DIS3L: variants seen among roughly 807,000 people sequenced by gnomAD.
DIS3L encodes the protein DIS3-like exonuclease 1.
DIS3L carries 100 observed loss-of-function variants against 120.3 expected under a neutral mutation model. The observed-to-expected ratio is 0.83, with a 90% CI of 0.71 to 0.98. The LOEUF (loss-of-function observed/expected upper bound fraction) is 0.98. Among genes scored for constraint, DIS3L ranks in the 50% least tolerant of loss-of-function variants. The pLI, the probability that DIS3L is intolerant of heterozygous loss-of-function variation, is 0.00. For synonymous variants in DIS3L, 426 were observed against 470.6 expected, an observed-to-expected ratio of 0.91 and a Z score of 1.23; for missense variants, 1,196 against 1,314.2, an observed-to-expected ratio of 0.91 and a Z score of 1.39.
At chr15:66,293,996 A>C in intron 1 of DIS3L, 2 of 990,066 alleles carry the variant, frequency 2.0e-6, no homozygotes, top group Non-Finnish European at 2.4e-6. Flanking sequence ...CCCGCACCCC[A>C]TGCCGGAGGC....
rs1264635198 is a variant in DIS3L at position 66,329,042 on chromosome 15, G to A, written c.2274G>A (p.Leu758=). ...ACGATCCCATTGTGAACAGGCTACT[G>A]CGCTCCATGGCCACGCAGGCCATGT... The part of the protein sequence containing the change: ...DPHDPIVNRL[L]RSMATQAMSN... Residue 758 remains leucine, a synonymous_variant, in exon 13 of 17, where the codon CTG becomes CTA. Coordinates refer to ENST00000319212, the MANE Select transcript of DIS3L (RefSeq NM_001143688.3). 71 of 1,614,098 alleles carry A rather than the reference G, an allele frequency of 4.4e-5. No homozygotes were observed. The highest frequency in any genetic ancestry group is 5.6e-5 in the Non-Finnish European group (66 of 1,180,048).
At chr15:66,331,021 G>A (rs1166776621) in intron 14 of DIS3L, among the ~76,000 whole-genome samples, 1 of 152,118 alleles carries the variant, frequency 6.6e-6, no homozygotes, top group Non-Finnish European at 1.5e-5. Context: ...CAGGCATGGT[G>A]GTGCATGCCT....
At position 66,309,094 on chromosome 15, in the gene DIS3L, A is replaced by AAAAAAAAAAAATATATATATATATAT; in HGVS notation, c.558+251_558+252insAAAAAAAAAATATATATATATATATA. Among the ~76,000 whole-genome samples, 5 of 15,312 alleles carry AAAAAAAAAAAATATATATATATATAT rather than the reference A, an allele frequency of 3.3e-4. 2 individuals are homozygous for AAAAAAAAAAAATATATATATATATAT. The highest frequency in any genetic ancestry group is 0.01 in the East Asian group (2 of 196). The allele number at this position is 15,312 out of a possible 152,430, so 10.0% of individuals were successfully genotyped here. A position where few individuals can be genotyped will look rare whatever the true frequency, so the allele number is the denominator to read the frequency against. On this transcript the variant is annotated intron_variant, in intron 4 of 16. Coordinates refer to ENST00000319212, the MANE Select transcript of DIS3L (RefSeq NM_001143688.3). Reference sequence around the variant, plus strand: ...CTTGTCTCTACAGAAAAAAAAAAAAAATATATATATCTCCAAGCATGGTGG... The same window carrying AAAAAAAAAAAATATATATATATATAT: ...CTTGTCTCTACAGAAAAAAAAAAAAAAAAAAAAAAAATATATATATATATATATATATATATCTCCAAGCATGGTGG...
chr15:66,319,934 G>T (rs1398551759), intron 8 of DIS3L, among the ~76,000 whole-genome samples: 1 of 144,352 alleles, frequency 6.9e-6, no homozygotes, highest in Non-Finnish European at 1.5e-5. Context: ...GGCCAACATG[G>T]TGAAACCCCA....
rs1256408780 is a variant in DIS3L at position 66,326,264 on chromosome 15, C to T, written c.2101C>T (p.Pro701Ser). ...CGCCAAAAAGATCTGGGAGAGCTTCCCTCATCAGGCCTTGCTGCGCCAGCA... is the reference window on the plus strand; with the variant it reads ...CGCCAAAAAGATCTGGGAGAGCTTCTCTCATCAGGCCTTGCTGCGCCAGCA... ...WVAKKIWESF[P>S]HQALLRQHPP... Residue 701 changes from proline to serine, a missense_variant, in exon 12 of 17, where the codon CCT becomes TCT. Transcript: ENST00000319212. 6.2e-7 allele frequency: 1 copy of T among 1,613,992 alleles called. No homozygotes were observed. Among genetic ancestry groups the T allele is most frequent in the Non-Finnish European group, 8.5e-7 (1 of 1,180,036 alleles).
chr15:66,314,011 A>G (rs369120036), intron 5 of DIS3L, 28 bp from the exon 6 acceptor site: 9 of 1,526,488 alleles, frequency 5.9e-6, no homozygotes, highest in East Asian at 4.9e-5. Flanking sequence ...AACATTTTTC[A>G]TATTGATTTT....
chr15:66,331,937 A>T lies in DIS3L; in HGVS notation c.2598A>T (p.Lys866Asn). The T allele has an allele frequency of 6.2e-7, 1 of 1,613,500 alleles. No homozygotes were observed. Among genetic ancestry groups the T allele is most frequent in the Non-Finnish European group, 8.5e-7 (1 of 1,179,656 alleles). ...ELFQCMYFKDKDPATEERCIS... is the reference protein window; with the variant it reads ...ELFQCMYFKDNDPATEERCIS... ...TCCAGTGCATGTACTTCAAAGACAA[A>T]GACCCTGCCACCGAGGAGCGTTGCA... The change falls in exon 15 of 17, where the codon AAA becomes AAT. Residue 866 changes from lysine (K) to asparagine (N), a missense_variant. Coordinates refer to ENST00000319212, the MANE Select transcript of DIS3L (RefSeq NM_001143688.3).
chr15:66,333,106 CAG>C lies in DIS3L; in HGVS notation c.2962_2963del (p.Ser988PhefsTer7). ...YKIPNTELIH[Q>X]SSPLLKSELV... ...GATACCAAATACAGAACTTATTCATCAGAGTTCCCCCTTGCTGAAGAGTGAGT... is the reference window on the plus strand; with the variant it reads ...GATACCAAATACAGAACTTATTCATCAGTTCCCCCTTGCTGAAGAGTGAGT... On this transcript the variant is annotated frameshift_variant, in exon 17 of 17. Transcript: ENST00000319212. LOFTEE classifies it high-confidence loss of function. 1 of 1,613,382 alleles carries C rather than the reference CAG, an allele frequency of 6.2e-7. No individual in the cohort carries two copies. Among genetic ancestry groups the C allele is most frequent in the Non-Finnish European group, 8.5e-7 (1 of 1,180,020 alleles).
At chr15:66,298,179 C>CAAAAA (rs11419116) in intron 2 of DIS3L, among the ~76,000 whole-genome samples, 3 of 46,000 alleles carry the variant, frequency 6.5e-5, no homozygotes, top group African/African-American at 1.8e-4. Context: ...GACTCCGTCT[C>CAAAAA]AAAAAAAAAA....
chr15:66,312,866 A>G (rs1017141726), intron 5 of DIS3L, among the ~76,000 whole-genome samples: 1 of 152,262 alleles, frequency 6.6e-6, no homozygotes, highest in African/African-American at 2.4e-5. Context: ...GCATCACTCC[A>G]AAGCCACTCC....
intron 7 of DIS3L, 132 bp from the exon 8 acceptor site, chr15:66,318,317 G>T: frequency 1.0e-6 from 1 of 985,402 alleles, no homozygotes; most frequent in Non-Finnish European, 1.5e-6. Flanking sequence ...ACATTCTTGA[G>T]TTGGGTGGAT....
intron 7 of DIS3L, 43 bp downstream of exon 7, chr15:66,315,258 G>A: frequency 6.5e-7 from 1 of 1,530,354 alleles, no homozygotes; most frequent in Non-Finnish European, 8.8e-7. Flanking sequence ...TTTTTCTTGT[G>A]GAATTATATT....
At position 66,315,159 on chromosome 15, in the gene DIS3L, A is replaced by G; in HGVS notation, c.938A>G (p.Glu313Gly). The change falls in exon 7 of 17, where the codon GAG becomes GGG. Residue 313 changes from glutamate (E) to glycine (G), a missense_variant. Glu to Gly is a moderately conservative substitution (Grantham distance 98). Transcript: ENST00000319212. ...AAAGGAAGAACCGTAGCCCTGTGTG[A>G]GAATGACTGTGACGACAAGGCTTCG... ...EWKGRTVALCENDCDDKASGE... is the reference protein window; with the variant it reads ...EWKGRTVALCGNDCDDKASGE... 1 of 1,614,150 alleles carries G rather than the reference A, an allele frequency of 6.2e-7. No individual in the cohort carries two copies. Among genetic ancestry groups the G allele is most frequent in the Non-Finnish European group, 8.5e-7 (1 of 1,180,002 alleles).
At chr15:66,306,235 G>A (rs192881161) in intron 2 of DIS3L, among the ~76,000 whole-genome samples, 6 of 152,298 alleles carry the variant, frequency 3.9e-5, no homozygotes, top group African/African-American at 1.2e-4. Flanking sequence ...TCGGCCATGG[G>A]AAGGATCTCT....
chr15:66,317,429 T>C (rs759336164), intron 7 of DIS3L, among the ~76,000 whole-genome samples: 3 of 152,086 alleles, frequency 2.0e-5, no homozygotes, highest in African/African-American at 4.8e-5. Flanking sequence ...ATTGAAAGTG[T>C]TGTGTATCAG....
At chr15:66,318,364 C>A in intron 7 of DIS3L, 85 bp from the exon 8 acceptor site, 5 of 1,434,206 alleles carry the variant, frequency 3.5e-6, no homozygotes, top group Middle Eastern at 2.2e-4. Context: ...ATTTCTTGTT[C>A]TTTTCCTTAC....
chr15:66,327,484 A>G (rs1457257911), intron 12 of DIS3L, among the ~76,000 whole-genome samples: 2 of 152,144 alleles, frequency 1.3e-5, no homozygotes, highest in East Asian at 3.9e-4. Context: ...CAGGCTGGGC[A>G]CAGTGGCTCA....
At chr15:66,327,966 C>T (rs2092956450) in intron 12 of DIS3L, among the ~76,000 whole-genome samples, 1 of 152,116 alleles carries the variant, frequency 6.6e-6, no homozygotes. Context: ...GTGCGAGAAT[C>T]GCTTGAACCT....
At chr15:66,308,576 C>T in intron 3 of DIS3L, 133 bp from the exon 4 acceptor site, 1 of 1,216,476 alleles carries the variant, frequency 8.2e-7, no homozygotes, top group Non-Finnish European at 1.1e-6. Context: ...AATGGATACT[C>T]CAGAAGTATT....
Sources: gnomAD v4.1 joint callset for allele counts (sites outside exome capture counted in the v4.1 genomes callset) on GRCh38, gnomAD v4.1.1 for gene constraint, MANE v1.5 for transcripts, NCBI Gene and HGNC (gene_info 2026-07-23, HGNC 2026-07-21) for gene names.